ESRRG: variants seen among roughly 807,000 people sequenced by gnomAD.
ESRRG encodes the protein estrogen-related receptor gamma.
Under a neutral mutation model 44.0 loss-of-function variants are expected in ESRRG, and 13 were observed. That is an observed-to-expected ratio of 0.30 (90% CI 0.19 to 0.47). The LOEUF (loss-of-function observed/expected upper bound fraction) is 0.47, where lower values mean the gene tolerates loss of function less well. Among genes scored for constraint, ESRRG ranks in the 20% least tolerant of loss-of-function variants. The pLI, the probability that ESRRG is intolerant of heterozygous loss-of-function variation, is 1.00. For synonymous variants in ESRRG, 215 were observed against 214.6 expected (o/e 1.00, Z -0.02); for missense variants, 395 against 580.6 (o/e 0.68, Z 3.29).
At chr1:216,712,095 C>A (rs2083731376) in intron 1 of ESRRG, among the ~76,000 whole-genome samples, 1 of 152,112 alleles carries the variant, frequency 6.6e-6, no homozygotes, top group Non-Finnish European at 1.5e-5. Context: ...TAATTAATAT[C>A]AAAATGAGAG....
chr1:217,105,300 A>G (rs1263741228), intron 1 of ESRRG, among the ~76,000 whole-genome samples: 1 of 152,228 alleles, frequency 6.6e-6, no homozygotes, highest in African/African-American at 2.4e-5. Context: ...TTACACTGTT[A>G]GTGTGATTCA....
chr1:216,794,816 G>C (rs2094430920), intron 2 of ESRRG, among the ~76,000 whole-genome samples: 1 of 152,262 alleles, frequency 6.6e-6, no homozygotes, highest in South Asian at 2.1e-4. Context: ...CTTTCACTGG[G>C]AAATAATTTC....
chr1:216,890,688 A>G (rs1226978156), intron 2 of ESRRG, among the ~76,000 whole-genome samples: 1 of 152,186 alleles, frequency 6.6e-6, no homozygotes, highest in East Asian at 1.9e-4. Context: ...AGTGTTCTCC[A>G]TTGCCTAGAT....
intron 1 of ESRRG, among the ~76,000 whole-genome samples, chr1:217,033,220 C>T (rs1312963038): frequency 6.6e-6 from 1 of 152,144 alleles, no homozygotes; most frequent in Non-Finnish European, 1.5e-5. Flanking sequence ...TCTGCTGTGT[C>T]CTAGCCCTTC....
chr1:216,530,098 C>T (rs918946195), intron 5 of ESRRG, among the ~76,000 whole-genome samples: 19 of 112,178 alleles, frequency 1.7e-4, no homozygotes, highest in Non-Finnish European at 8.1e-5. Context: ...GGTGGCAGAG[C>T]GAGACTCCAT....
At chr1:216,545,415 A>G (rs1211730407) in intron 5 of ESRRG, among the ~76,000 whole-genome samples, 1 of 151,910 alleles carries the variant, frequency 6.6e-6, no homozygotes, top group Admixed American at 6.6e-5. Flanking sequence ...AGCTTGTAAC[A>G]TACCCACCCC....
Position 216,718,760 on chromosome 1 carries a change from C to G in ESRRG, c.56+4484G>C, listed in dbSNP as rs1020453300. 2.6e-5 allele frequency among the ~76,000 whole-genome samples: 4 copies of G among 152,088 alleles called. No individual in the cohort carries two copies. In the East Asian group the frequency reaches 7.7e-4, roughly 29 times the overall value. ...TGGCTAGGGCCGGAGCTCATACGCA[C>G]TTATAATAGATCAACATTGTATTGT... On this transcript the variant is annotated intron_variant, in intron 1 of 6. Coordinates refer to ENST00000408911, the MANE Select transcript of ESRRG (RefSeq NM_001438.4).
intron 2 of ESRRG, among the ~76,000 whole-genome samples, chr1:216,834,570 C>T (rs1561182): frequency 0.26 from 39,156 of 151,930 alleles, 6,442 homozygotes; most frequent in African/African-American, 0.46. Flanking sequence ...AACAAAATCA[C>T]AGTCAGGAGG....
chr1:216,985,382 T>C (rs1465791300), intron 1 of ESRRG, among the ~76,000 whole-genome samples: 4 of 152,156 alleles, frequency 2.6e-5, no homozygotes, highest in Non-Finnish European at 5.9e-5. Flanking sequence ...AGCTTTACCC[T>C]CCAATCCAGG....
intron 2 of ESRRG, among the ~76,000 whole-genome samples, chr1:216,845,180 A>C (rs2095722470): frequency 6.6e-6 from 1 of 152,128 alleles, no homozygotes. Flanking sequence ...CTTATTACTT[A>C]AAGTTAATGA....
chr1:217,093,732 G>A (rs1331210885), upstream of ESRRG, among the ~76,000 whole-genome samples: 1 of 151,520 alleles, frequency 6.6e-6, no homozygotes, highest in Non-Finnish European at 1.5e-5. Flanking sequence ...ACAGTAAGCG[G>A]TGATCGCACC....
At chr1:217,074,450 C>CA (rs2091005463) in intron 1 of ESRRG, among the ~76,000 whole-genome samples, 2 of 108,672 alleles carry the variant, frequency 1.8e-5, no homozygotes, top group Non-Finnish European at 3.9e-5. Flanking sequence ...ATCCACCCCC[C>CA]CCAAAAAAAA....
At chr1:216,599,658 T>A (rs1265911045) in intron 3 of ESRRG, among the ~76,000 whole-genome samples, 1 of 152,078 alleles carries the variant, frequency 6.6e-6, no homozygotes, top group East Asian at 1.9e-4. Flanking sequence ...AAATTAAAAA[T>A]TGAAAATTAT....
At chr1:216,579,563 A>C (rs1314571331) in intron 3 of ESRRG, among the ~76,000 whole-genome samples, 1 of 152,118 alleles carries the variant, frequency 6.6e-6, no homozygotes, top group Non-Finnish European at 1.5e-5. Flanking sequence ...CACCAATGAT[A>C]TATCCAGACA....
At chr1:216,974,886 T>C (rs1324649222) in intron 1 of ESRRG, among the ~76,000 whole-genome samples, 2 of 152,084 alleles carry the variant, frequency 1.3e-5, no homozygotes, top group Non-Finnish European at 2.9e-5. Flanking sequence ...TTTTTTTTTT[T>C]TTAATTTTCT....
intron 2 of ESRRG, 69 bp downstream of exon 2, chr1:216,677,007 A>G (rs1021558723): frequency 1.7e-6 from 2 of 1,174,116 alleles, no homozygotes; most frequent in East Asian, 4.7e-5. Flanking sequence ...GAGAATAAGA[A>G]TAAGGAAAAA....
chr1:216,508,528 C>T (rs1164608253), intron 6 of ESRRG, among the ~76,000 whole-genome samples: 1 of 152,144 alleles, frequency 6.6e-6, no homozygotes. Context: ...ATAGTGGTTC[C>T]CTGGAGCGGG....
At chr1:217,133,462 C>T (rs552682770) in intron 1 of ESRRG, among the ~76,000 whole-genome samples, 1 of 152,362 alleles carries the variant, frequency 6.6e-6, no homozygotes, top group Admixed American at 6.5e-5. Flanking sequence ...TTGAGCGACG[C>T]GTGTCATAGA....
intron 2 of ESRRG, among the ~76,000 whole-genome samples, chr1:216,891,992 A>G (rs939240301): frequency 5.3e-5 from 8 of 151,930 alleles, no homozygotes; most frequent in Admixed American, 3.3e-4. Flanking sequence ...CTTTTAGTAG[A>G]GACGGAGTTT....
Sources: allele counts gnomAD v4.1 joint callset (sites outside exome capture counted in the v4.1 genomes callset), GRCh38; gene constraint gnomAD v4.1.1; transcripts MANE v1.5; gene names NCBI Gene and HGNC (gene_info 2026-07-23, HGNC 2026-07-21).